FGF14: variants seen among roughly 807,000 people sequenced by gnomAD.
FGF14 encodes fibroblast growth factor homologous factor 4.
In FGF14, 5 loss-of-function variants were observed where a neutral mutation model predicts 25.5. The ratio of observed to expected loss-of-function variants is 0.20; its 90% CI spans 0.10 to 0.41. The LOEUF (loss-of-function observed/expected upper bound fraction) is 0.41, where lower values mean the gene tolerates loss of function less well. Among genes scored for constraint, FGF14 ranks in the 10% least tolerant of loss-of-function variants. The pLI is 1.00. For missense variants in FGF14, 222 were observed against 320.1 expected (o/e 0.69, Z 2.34); for synonymous variants, 138 against 118.3 (o/e 1.17, Z -1.08).
intron 3 of FGF14, among the ~76,000 whole-genome samples, chr13:101,840,932 TCTC>T (rs1459566501): frequency 6.6e-6 from 1 of 151,976 alleles, no homozygotes; most frequent in Non-Finnish European, 1.5e-5. Flanking sequence ...ATCCTCTAGG[TCTC>T]CTTGTAATGA....
chr13:102,033,385 CCTTAG>C (rs548737231), intron 1 of FGF14, among the ~76,000 whole-genome samples: 158 of 152,158 alleles, frequency 1.0e-3, no homozygotes, highest in African/African-American at 3.6e-3. Context: ...ACAAGGGAAG[CCTTAG>C]CTTAGATCAA....
At chr13:101,976,860 C>T (rs915765011) in intron 1 of FGF14, among the ~76,000 whole-genome samples, 5 of 152,184 alleles carry the variant, frequency 3.3e-5, no homozygotes, top group African/African-American at 9.7e-5. Flanking sequence ...CAGCAGATAT[C>T]GCATACTGCT....
rs1383649053 is a variant in FGF14 at position 101,716,456 on chromosome 13, A to AGT, written c.*6373_*6374dup. The AGT allele has an allele frequency of 6.6e-6, 1 of 152,200 alleles. No homozygotes were observed. The highest frequency in any genetic ancestry group is 2.4e-5 in the African/African-American group (1 of 41,464). 9.4% of individuals were successfully genotyped at this position (152,200 alleles called of 1,614,324 possible). Reference sequence around the variant, plus strand: ...ACAGAAGTTGTTTATACTCTGTGTCAGTATATATATCTACTGATAATTAAA... The same window carrying AGT: ...ACAGAAGTTGTTTATACTCTGTGTCAGTGTATATATATCTACTGATAATTAAA... On this transcript the variant is annotated 3_prime_UTR_variant, in exon 5 of 5. Transcript: ENST00000376143.
At chr13:102,327,700 A>G (rs890830435) in intron 1 of FGF14, among the ~76,000 whole-genome samples, 1 of 151,924 alleles carries the variant, frequency 6.6e-6, no homozygotes, top group Non-Finnish European at 1.5e-5. Flanking sequence ...TTAGTTAGGC[A>G]TGGTAGTGCA....
At chr13:102,358,665 C>G (rs1482793324) in intron 1 of FGF14, among the ~76,000 whole-genome samples, 1 of 152,188 alleles carries the variant, frequency 6.6e-6, no homozygotes, top group African/African-American at 2.4e-5. Flanking sequence ...AAACCATTCT[C>G]TGCATGGACC....
intron 1 of FGF14, among the ~76,000 whole-genome samples, chr13:101,968,439 C>T (rs371844575): frequency 1.6e-4 from 24 of 151,866 alleles, no homozygotes; most frequent in African/African-American, 4.6e-4. Flanking sequence ...TTTGGGAGAC[C>T]GAGGCAGGCG....
At chr13:102,155,511 G>C (rs375046943) in intron 1 of FGF14, among the ~76,000 whole-genome samples, 6 of 152,038 alleles carry the variant, frequency 3.9e-5, no homozygotes, top group African/African-American at 7.2e-5. Context: ...ACATTCAAAG[G>C]AGTGTGTAGA....
At chr13:102,161,525 G>C (rs538794159) in intron 1 of FGF14, among the ~76,000 whole-genome samples, 14 of 150,986 alleles carry the variant, frequency 9.3e-5, no homozygotes, top group African/African-American at 3.2e-4. Context: ...TCTTATCTTA[G>C]TTGTAAAATA....
intron 1 of FGF14, among the ~76,000 whole-genome samples, chr13:101,894,431 T>C (rs902452634): frequency 6.6e-6 from 1 of 152,132 alleles, no homozygotes; most frequent in African/African-American, 2.4e-5. Flanking sequence ...ATTAGTCCAA[T>C]GAACTCCCCC....
chr13:102,210,661 T>C (rs984056352), intron 1 of FGF14, among the ~76,000 whole-genome samples: 2 of 152,152 alleles, frequency 1.3e-5, no homozygotes, highest in Non-Finnish European at 2.9e-5. Context: ...CCTGAAACTA[T>C]TGCCTATCCA....
At chr13:102,115,794 T>G (rs2045441091) in intron 1 of FGF14, among the ~76,000 whole-genome samples, 1 of 133,026 alleles carries the variant, frequency 7.5e-6, no homozygotes, top group Non-Finnish European at 1.6e-5. Context: ...GATTTACCCA[T>G]GTAACAAATG....
At chr13:102,369,311 TCTC>T (rs761136518) in intron 1 of FGF14, among the ~76,000 whole-genome samples, 2 of 152,256 alleles carry the variant, frequency 1.3e-5, no homozygotes, top group South Asian at 4.2e-4. Context: ...CTGCTCTCCC[TCTC>T]CTCAACAAAA....
chr13:102,303,964 T>C (rs1230227124), intron 1 of FGF14, among the ~76,000 whole-genome samples: 5 of 152,174 alleles, frequency 3.3e-5, no homozygotes, highest in African/African-American at 1.2e-4. Context: ...TCTTTATTCA[T>C]TGCTAAATGA....
chr13:102,151,253 T>A (rs1312497838), intron 1 of FGF14, among the ~76,000 whole-genome samples: 1 of 152,144 alleles, frequency 6.6e-6, no homozygotes. Context: ...GAGAAATTGC[T>A]AAATCCTAAT....
At chr13:102,244,021 T>C (rs565973012) in intron 1 of FGF14, among the ~76,000 whole-genome samples, 2 of 152,162 alleles carry the variant, frequency 1.3e-5, no homozygotes, top group East Asian at 3.9e-4. Flanking sequence ...TTTCCTAATG[T>C]AGAAGCCCCT....
At chr13:102,346,673 G>A (rs1229266622) in intron 1 of FGF14, among the ~76,000 whole-genome samples, 1 of 151,696 alleles carries the variant, frequency 6.6e-6, no homozygotes, top group African/African-American at 2.4e-5. Flanking sequence ...GATGGCTCAT[G>A]GGAAAAGTCT....
chr13:102,248,574 A>G (rs2052001976), intron 1 of FGF14, among the ~76,000 whole-genome samples: 1 of 152,110 alleles, frequency 6.6e-6, no homozygotes, highest in Non-Finnish European at 1.5e-5. Flanking sequence ...TAAAAGGAAA[A>G]GTGGAGTACA....
intron 1 of FGF14, among the ~76,000 whole-genome samples, chr13:101,885,700 T>C (rs1427690856): frequency 7.3e-6 from 1 of 136,204 alleles, no homozygotes; most frequent in Admixed American, 7.2e-5. Context: ...CACAGGCCTC[T>C]GAAAAAAAAA....
chr13:102,113,651 T>G (rs775122854), intron 1 of FGF14, among the ~76,000 whole-genome samples: 17 of 152,168 alleles, frequency 1.1e-4, no homozygotes, highest in Non-Finnish European at 2.2e-4. Context: ...CTTTACAGTA[T>G]TTGTTACAGC....
Sources: gnomAD v4.1 joint callset for allele counts (sites outside exome capture counted in the v4.1 genomes callset) on GRCh38, gnomAD v4.1.1 for gene constraint, MANE v1.5 for transcripts, NCBI Gene and HGNC (gene_info 2026-07-23, HGNC 2026-07-21) for gene names.